Variants in ZNF570 observed in about 807,000 individuals in gnomAD.
The protein encoded by ZNF570 is zinc finger protein 570.
In ZNF570, 8 loss-of-function variants were observed where a neutral mutation model predicts 14.2. The ratio of observed to expected loss-of-function variants is 0.56; its 90% CI spans 0.33 to 1.02. The LOEUF is 1.02. ZNF570 is among the 50% of genes least tolerant of loss of function. ZNF570 has a pLI of 0.03. For synonymous variants in ZNF570, 202 were observed against 207.6 expected, an observed-to-expected ratio of 0.97 and a Z score of 0.23; for missense variants, 559 against 624.9, an observed-to-expected ratio of 0.89 and a Z score of 1.12.
intron 2 of ZNF570, 149 bp from the exon 3 acceptor site, chr19:37,475,732 T>C (rs1162914143): frequency 3.1e-6 from 2 of 639,558 alleles, no homozygotes; most frequent in Middle Eastern, 3.9e-4. Flanking sequence ...ACTGGAATAA[T>C]CTGAGATATA....
At chr19:37,480,977 C>T (rs2042081498) in intron 4 of ZNF570, among the ~76,000 whole-genome samples, 1 of 151,822 alleles carries the variant, frequency 6.6e-6, no homozygotes, top group Non-Finnish European at 1.5e-5. Context: ...AAAAATTATC[C>T]ATGTTTGTCA....
intron 2 of ZNF570, among the ~76,000 whole-genome samples, chr19:37,473,352 G>T (rs1446260841): frequency 6.6e-6 from 1 of 152,200 alleles, no homozygotes. Context: ...TTAACCAAGT[G>T]AGTACAGTTA....
chr19:37,471,369 G>T (rs2041962462), intron 2 of ZNF570, among the ~76,000 whole-genome samples: 1 of 152,128 alleles, frequency 6.6e-6, no homozygotes, highest in African/African-American at 2.4e-5. Flanking sequence ...CTCTGCCTGG[G>T]ATACTGTTCC....
rs2042173150 is a variant in ZNF570 at position 37,487,869 on chromosome 19, G to T, written c.*2636G>T. On this transcript the variant is annotated 3_prime_UTR_variant, in exon 5 of 5. Transcript: ENST00000330173. ...GTAGAGAGAAAGATTGGATTTGGGG[G>T]TATTACTAGTAGTAAGGGGATTCAC... 6.6e-6 allele frequency: 1 copy of T among 152,136 alleles called. No individual in the cohort carries two copies. Among genetic ancestry groups the T allele is most frequent in the Non-Finnish European group, 1.5e-5 (1 of 68,008 alleles). 9.4% of individuals were successfully genotyped at this position (152,136 alleles called of 1,614,324 possible). A position where few individuals can be genotyped will look rare whatever the true frequency, so the allele number is the denominator to read the frequency against.
chr19:37,478,106 C>G (rs1250226064), intron 4 of ZNF570, among the ~76,000 whole-genome samples: 1 of 152,154 alleles, frequency 6.6e-6, no homozygotes. Context: ...AAATTTCTAT[C>G]AGAAAACAAC....
At chr19:37,482,874 CCT>C (rs2042104018) in intron 4 of ZNF570, among the ~76,000 whole-genome samples, 1 of 149,500 alleles carries the variant, frequency 6.7e-6, no homozygotes, top group Non-Finnish European at 1.5e-5. Context: ...CCCCTCCCCC[CCT>C]TTCTCCCTCT....
Position 37,483,983 on chromosome 19 carries a change from G to A in ZNF570, c.361G>A (p.Glu121Lys), listed in dbSNP as rs1283370657. The change falls in exon 5 of 5, where the codon GAA becomes AAA. Residue 121 changes from glutamate (E) to lysine (K), a missense_variant. By Grantham distance (56) the Glu-to-Lys change is moderately conservative. Transcript: ENST00000330173. ...IIETLTSYNL[E>K]YSSLREEWKC... The stretch of plus-strand genomic sequence containing the variant: ...AGAAACACTTACAAGCTATAACCTT[G>A]AATACTCCAGTTTGAGAGAAGAGTG... 1 of 1,613,970 alleles carries A rather than the reference G, an allele frequency of 6.2e-7. No homozygotes were observed. Among genetic ancestry groups the A allele is most frequent in the East Asian group, 2.2e-5 (1 of 44,854 alleles).
intron 2 of ZNF570, among the ~76,000 whole-genome samples, chr19:37,474,612 A>T (rs1318042314): frequency 6.6e-6 from 1 of 152,002 alleles, no homozygotes; most frequent in Admixed American, 6.6e-5. Flanking sequence ...GGTGCGCACC[A>T]CTATGCCCAG....
At position 37,470,313 on chromosome 19, in the gene ZNF570, G is replaced by GCCACTGCTATTTC; in HGVS notation, c.-38_-26dup. Reference sequence around the variant, plus strand: ...CTTTTCCCCATCTCAGTCATCTGAGGCCACTGCTATTTCCCAAGAGAAGAG... The same window carrying GCCACTGCTATTTC: ...CTTTTCCCCATCTCAGTCATCTGAGGCCACTGCTATTTCCCACTGCTATTTCCCAAGAGAAGAG... On this transcript the variant is annotated 5_prime_UTR_variant, in exon 2 of 5. Transcript: ENST00000330173. 6.2e-7 allele frequency: 1 copy of GCCACTGCTATTTC among 1,613,984 alleles called. No individual in the cohort carries two copies.
rs78317808 is a variant in ZNF570, at chr19:37,484,498, T to C, written c.876T>C (p.His292=). 3.5e-3 allele frequency: 5,601 copies of C among 1,613,958 alleles called. 181 individuals are homozygous for C. In the African/African-American group the frequency reaches 0.064, roughly 18 times the overall value. ...AFSQNAHLVQ[H]LRVHTGEKPY... ...GTCAGAATGCACACCTAGTTCAACA[T>C]CTGCGAGTTCATACTGGAGAAAAAC... The change falls in exon 5 of 5, where the codon CAT becomes CAC. Residue 292 remains histidine, a synonymous_variant. Coordinates refer to ENST00000330173, the MANE Select transcript of ZNF570 (RefSeq NM_144694.5).
At chr19:37,469,045 A>C (rs1330437262), upstream of ZNF570, 6 of 991,828 alleles carry the variant, frequency 6.0e-6, no homozygotes, top group Non-Finnish European at 7.2e-6. Context: ...AGGCGCGCAG[A>C]GCGCTTGTGC....
chr19:37,468,145 G>A (rs1600368743), upstream of ZNF570: 1 of 584,674 alleles, frequency 1.7e-6, no homozygotes. Flanking sequence ...AGAGTGCAGC[G>A]GCGCGATGTT....
intron 2 of ZNF570, among the ~76,000 whole-genome samples, chr19:37,472,617 CT>C (rs2041979494): frequency 6.6e-6 from 1 of 151,918 alleles, no homozygotes; most frequent in African/African-American, 2.4e-5. Flanking sequence ...TTGCGCATGC[CT>C]GTAATCCCAG....
chr19:37,479,993 T>G (rs2042068395), intron 4 of ZNF570, among the ~76,000 whole-genome samples: 1 of 152,204 alleles, frequency 6.6e-6, no homozygotes, highest in Non-Finnish European at 1.5e-5. Context: ...AGATTTGGAT[T>G]TATTTTCCAC....
intron 4 of ZNF570, among the ~76,000 whole-genome samples, chr19:37,483,605 A>G (rs2042110766): frequency 6.6e-6 from 1 of 152,192 alleles, no homozygotes; most frequent in Admixed American, 6.5e-5. Context: ...TTTTATGAAT[A>G]CAGGCATAAA....
intron 2 of ZNF570, among the ~76,000 whole-genome samples, chr19:37,472,839 G>C (rs2041984146): frequency 6.6e-6 from 1 of 152,112 alleles, no homozygotes; most frequent in African/African-American, 2.4e-5. Flanking sequence ...ATGTTGGCAG[G>C]CTGATGTTAA....
intron 2 of ZNF570, among the ~76,000 whole-genome samples, chr19:37,474,946 T>G (rs1467418789): frequency 6.7e-6 from 1 of 149,324 alleles, no homozygotes; most frequent in Non-Finnish European, 1.5e-5. Flanking sequence ...CATTAAGTTT[T>G]TTTTGTTTTG....
chr19:37,479,808 C>T lies in ZNF570; in HGVS notation c.256+3374C>T, dbSNP rs566927924. On this transcript the variant is annotated intron_variant, in intron 4 of 4. Transcript: ENST00000330173. ...CTTAATATTGTTATAGCTATATTTG[C>T]CTTTTGTTAATATTTACTTGATGTA... is the stretch of plus-strand genomic sequence containing the variant. Among the ~76,000 whole-genome samples the T allele has an allele frequency of 5.9e-5, 9 of 152,160 alleles. No homozygotes were observed. The South Asian group carries it at 1.9e-3, about 32-fold the overall frequency.
upstream of ZNF570, chr19:37,469,205 C>G: frequency 3.1e-6 from 4 of 1,283,136 alleles, no homozygotes; most frequent in Non-Finnish European, 4.0e-6. Flanking sequence ...GGGAGGAGGC[C>G]GTGTTACAAA....
Sources: allele counts gnomAD v4.1 joint callset (sites outside exome capture counted in the v4.1 genomes callset), GRCh38; gene constraint gnomAD v4.1.1; transcripts MANE v1.5; gene names NCBI Gene and HGNC (gene_info 2026-07-23, HGNC 2026-07-21).